The following RBM47 variants were observed in gnomAD, a reference collection of about 807,000 sequenced individuals.
RBM47 encodes the protein RNA binding motif protein 47, also known as RNA-binding protein 47.
RBM47 carries 21 observed loss-of-function variants against 47.1 expected under a neutral mutation model. That is an observed-to-expected ratio of 0.45 (90% CI 0.32 to 0.64). The LOEUF (loss-of-function observed/expected upper bound fraction) is 0.64, where lower values mean the gene tolerates loss of function less well. Among genes scored for constraint, RBM47 ranks in the 30% least tolerant of loss-of-function variants. The pLI is 0.05. For missense variants in RBM47, 708 were observed against 870.9 expected, an observed-to-expected ratio of 0.81 and a Z score of 2.35; for synonymous variants, 375 against 361.7, an observed-to-expected ratio of 1.04 and a Z score of -0.42.
rs1236509834 is a variant in RBM47, at chr4:40,481,276, C to CT, written c.-154-14578dup. On this transcript the variant is annotated intron_variant, in intron 2 of 6. Coordinates refer to ENST00000295971, the MANE Select transcript of RBM47 (RefSeq NM_001098634.2). ...GACCTGGATCATATGTTGTTTCTTT[C>CT]TTTTTTTTTTTTTTGAGATGGAGTC... 2.9e-3 allele frequency among the ~76,000 whole-genome samples: 351 copies of CT among 119,462 alleles called. 4 individuals are homozygous for CT. Among genetic ancestry groups the CT allele is most frequent in the African/African-American group, 7.9e-3 (256 of 32,592 alleles). 78.4% of individuals were successfully genotyped at this position (119,462 alleles called of 152,430 possible). A position where few individuals can be genotyped will look rare whatever the true frequency, so the allele number is the denominator to read the frequency against.
intron 1 of RBM47, among the ~76,000 whole-genome samples, chr4:40,596,941 A>G (rs189282029): frequency 6.6e-5 from 10 of 152,300 alleles, no homozygotes; most frequent in Admixed American, 2.6e-4. Flanking sequence ...CAAATTTTTA[A>G]ATATTAAGTA....
At chr4:40,593,812 A>G (rs1345962567) in intron 1 of RBM47, among the ~76,000 whole-genome samples, 1 of 150,584 alleles carries the variant, frequency 6.6e-6, no homozygotes, top group East Asian at 2.0e-4. Context: ...CGAACCTGGG[A>G]GGCAGAGCTT....
intron 1 of RBM47, among the ~76,000 whole-genome samples, chr4:40,557,242 T>C (rs976538466): frequency 2.6e-5 from 4 of 152,126 alleles, no homozygotes; most frequent in Non-Finnish European, 4.4e-5. Context: ...AAGTAGACTG[T>C]CCCACCCTTT....
chr4:40,469,508 A>C (rs1250838191), intron 2 of RBM47, among the ~76,000 whole-genome samples: 1 of 146,710 alleles, frequency 6.8e-6, no homozygotes, highest in Non-Finnish European at 1.5e-5. Flanking sequence ...ATCTCGGCTC[A>C]CTGCAACCTC....
At chr4:40,469,873 G>A (rs950588137) in intron 2 of RBM47, among the ~76,000 whole-genome samples, 6 of 152,060 alleles carry the variant, frequency 3.9e-5, no homozygotes, top group African/African-American at 1.2e-4. Context: ...AACCTCAAGC[G>A]ATCTGCTGGC....
At chr4:40,495,175 C>T (rs899594279) in intron 2 of RBM47, among the ~76,000 whole-genome samples, 1 of 152,124 alleles carries the variant, frequency 6.6e-6, no homozygotes, top group African/African-American at 2.4e-5. Flanking sequence ...AGGGCCTCAC[C>T]CTGGCTCTTC....
chr4:40,510,459 G>A (rs1724779715), intron 2 of RBM47, among the ~76,000 whole-genome samples: 1 of 152,284 alleles, frequency 6.6e-6, no homozygotes, highest in Non-Finnish European at 1.5e-5. Flanking sequence ...TTAGACACTT[G>A]TGATCCATGA....
In RBM47 at chr4:40,459,618, C is replaced by T. The variant is rs142836887; in HGVS notation, c.-32+6959G>A. On this transcript the variant is annotated intron_variant, in intron 3 of 6. Transcript: ENST00000295971. ...TAAAAAAACTTTTGTGGTTTACCTG[C>T]ATATAGAACTGGGTACAAATAGTCA... is the stretch of plus-strand genomic sequence containing the variant. 2.4e-4 allele frequency among the ~76,000 whole-genome samples: 36 copies of T among 152,222 alleles called. No homozygotes were observed. In the East Asian group the frequency reaches 6.2e-3, roughly 26 times the overall value.
chr4:40,465,982 A>G (rs1202190332), intron 3 of RBM47, among the ~76,000 whole-genome samples: 1 of 152,092 alleles, frequency 6.6e-6, no homozygotes, highest in African/African-American at 2.4e-5. Flanking sequence ...AACATAGTTG[A>G]CTGGCTGGGT....
chr4:40,518,153 CTTTTCTTTTT>C (rs1725807371), intron 2 of RBM47, among the ~76,000 whole-genome samples: 1 of 99,546 alleles, frequency 1.0e-5, no homozygotes, highest in Non-Finnish European at 2.1e-5. Context: ...TGTTTCTTTT[CTTTTCTTTTT>C]TTTTTTTTTT....
chr4:40,529,016 T>C (rs1330502305), intron 2 of RBM47, among the ~76,000 whole-genome samples: 1 of 151,818 alleles, frequency 6.6e-6, no homozygotes, highest in Non-Finnish European at 1.5e-5. Context: ...AACAGGGCCA[T>C]CTCGTATAAC....
chr4:40,436,997 T>G (rs1439394863), intron 4 of RBM47: 4 of 371,850 alleles, frequency 1.1e-5, no homozygotes. Flanking sequence ...CCCAGCACTT[T>G]GGGAGGCTGA....
At chr4:40,584,673 A>C (rs1733360205) in intron 1 of RBM47, among the ~76,000 whole-genome samples, 1 of 152,142 alleles carries the variant, frequency 6.6e-6, no homozygotes, top group African/African-American at 2.4e-5. Flanking sequence ...ACACACACAC[A>C]CCTACATGTT....
chr4:40,584,727 C>T (rs543435838), intron 1 of RBM47, among the ~76,000 whole-genome samples: 21 of 150,136 alleles, frequency 1.4e-4, no homozygotes, highest in African/African-American at 4.9e-4. Flanking sequence ...TTGTGTTTAA[C>T]AAAAAAAAAT....
chr4:40,625,828 T>C (rs1033729827), intron 1 of RBM47, among the ~76,000 whole-genome samples: 5 of 152,162 alleles, frequency 3.3e-5, no homozygotes, highest in African/African-American at 1.2e-4. Context: ...AAATAAAGCA[T>C]ACATTTTGCA....
At chr4:40,449,904 ACTC>A (rs1715148624) in intron 3 of RBM47, among the ~76,000 whole-genome samples, 1 of 151,264 alleles carries the variant, frequency 6.6e-6, no homozygotes, top group Non-Finnish European at 1.5e-5. Context: ...CTGGTCTCGA[ACTC>A]CTGGCCTCAA....
chr4:40,476,480 T>G (rs181284621), intron 2 of RBM47, among the ~76,000 whole-genome samples: 5 of 151,854 alleles, frequency 3.3e-5, no homozygotes, highest in Admixed American at 2.6e-4. Context: ...GATTTACTCA[T>G]AAGAAGTGGA....
At chr4:40,513,953 A>G (rs926242059) in intron 2 of RBM47, among the ~76,000 whole-genome samples, 7 of 152,060 alleles carry the variant, frequency 4.6e-5, no homozygotes, top group African/African-American at 1.2e-4. Flanking sequence ...TCCTGACCTC[A>G]AGTGATCCAC....
intron 2 of RBM47, among the ~76,000 whole-genome samples, chr4:40,484,773 C>G (rs184143556): frequency 1.3e-5 from 2 of 152,342 alleles, no homozygotes; most frequent in Admixed American, 1.3e-4. Context: ...TCACCTTCCT[C>G]CAAAAGGATT....
Sources: gnomAD v4.1 joint callset for allele counts (sites outside exome capture counted in the v4.1 genomes callset) on GRCh38, gnomAD v4.1.1 for gene constraint, MANE v1.5 for transcripts, NCBI Gene and HGNC (gene_info 2026-07-23, HGNC 2026-07-21) for gene names.